Variants in TRAT1 observed in about 807,000 individuals in gnomAD.
TRAT1 encodes the protein T-cell receptor-associated transmembrane adapter 1.
Under a neutral mutation model 20.0 loss-of-function variants are expected in TRAT1, and 20 were observed. The observed-to-expected ratio is 1.00, with a 90% confidence interval of 0.70 to 1.45. The LOEUF (loss-of-function observed/expected upper bound fraction) is 1.45. Ranked by LOEUF, TRAT1 falls within the 40% of genes most tolerant of loss-of-function variation. TRAT1 has a pLI of 0.00. For synonymous variants in TRAT1, 77 were observed against 74.2 expected, an observed-to-expected ratio of 1.04 and a Z score of -0.20; for missense variants, 237 against 224.1, an observed-to-expected ratio of 1.06 and a Z score of -0.37.
At position 108,845,612 on chromosome 3, in the gene TRAT1, T is replaced by C. The variant is rs558811250; in HGVS notation, c.153-1456T>C. Among the ~76,000 whole-genome samples the C allele has an allele frequency of 4.6e-5, 7 of 152,316 alleles. No homozygotes were observed. The East Asian group carries it at 1.2e-3, about 25-fold the overall frequency. On this transcript the variant is annotated intron_variant, in intron 3 of 5. Transcript: ENST00000295756. Reference sequence around the variant, plus strand: ...CATACAGGTATCATTTGAACTGTTATTTTTTTAATACCTACGTACTATTTA... The same window carrying C: ...CATACAGGTATCATTTGAACTGTTACTTTTTTAATACCTACGTACTATTTA...
intron 1 of TRAT1, among the ~76,000 whole-genome samples, chr3:108,829,777 C>T (rs1246876922): frequency 1.3e-5 from 2 of 152,138 alleles, no homozygotes; most frequent in Non-Finnish European, 2.9e-5. Flanking sequence ...AACAAACCTA[C>T]TGTGCTGCCC....
chr3:108,829,013 G>A (rs1037602863), intron 1 of TRAT1, among the ~76,000 whole-genome samples: 1 of 152,162 alleles, frequency 6.6e-6, no homozygotes, highest in Non-Finnish European at 1.5e-5. Context: ...TTCAGCATCT[G>A]ATGAGTGAAT....
intron 5 of TRAT1, among the ~76,000 whole-genome samples, chr3:108,849,518 T>C (rs750905768): frequency 3.9e-4 from 60 of 152,314 alleles, no homozygotes; most frequent in Non-Finnish European, 7.8e-4. Context: ...TTCTTTCTGA[T>C]TGAAAATTTT....
intron 1 of TRAT1, among the ~76,000 whole-genome samples, chr3:108,823,341 G>C (rs1945709722): frequency 6.6e-6 from 1 of 152,150 alleles, no homozygotes; most frequent in Non-Finnish European, 1.5e-5. Flanking sequence ...CAATGCAATT[G>C]TCAACATTCA....
At chr3:108,838,461 AAGCCTATTCAAACCAC>A (rs1945860902) in intron 2 of TRAT1, among the ~76,000 whole-genome samples, 3 of 152,220 alleles carry the variant, frequency 2.0e-5, no homozygotes, top group African/African-American at 4.8e-5. Flanking sequence ...TAACAAAGAA[AAGCCTATTCAAACCAC>A]ATGGGCAAAG....
intron 3 of TRAT1, among the ~76,000 whole-genome samples, chr3:108,841,790 C>T (rs984722552): frequency 2.6e-5 from 4 of 152,100 alleles, no homozygotes; most frequent in Admixed American, 2.0e-4. Flanking sequence ...GCTATTTATT[C>T]TTGGGTCACT....
intron 1 of TRAT1, among the ~76,000 whole-genome samples, chr3:108,824,801 A>G (rs1945721748): frequency 6.6e-6 from 1 of 152,250 alleles, no homozygotes; most frequent in Non-Finnish European, 1.5e-5. Context: ...AAATGAACAT[A>G]GCATTACTAA....
rs755653568 is a variant in TRAT1 at position 108,854,234 on chromosome 3, G to A, written c.*357G>A. The A allele has an allele frequency of 7.5e-5, 13 of 172,582 alleles. No individual in the cohort carries two copies. The highest frequency in any genetic ancestry group is 9.9e-5 in the Non-Finnish European group (8 of 80,654). The allele number at this position is 172,582 out of a possible 1,614,324, so 10.7% of individuals were successfully genotyped here. On this transcript the variant is annotated 3_prime_UTR_variant, in exon 6 of 6. Transcript: ENST00000295756. Reference sequence around the variant, plus strand: ...TACTTAGGGAAATATAAAAATTTAAGCATGAATGTGTTCTGGAACACGTTA... The same window carrying A: ...TACTTAGGGAAATATAAAAATTTAAACATGAATGTGTTCTGGAACACGTTA...
intron 3 of TRAT1, among the ~76,000 whole-genome samples, chr3:108,841,298 A>C (rs1945894959): frequency 6.6e-6 from 1 of 152,214 alleles, no homozygotes. Flanking sequence ...ATTTTTTTCT[A>C]TAAAAAAGCG....
chr3:108,837,240 A>G (rs543767070), intron 2 of TRAT1, among the ~76,000 whole-genome samples: 14 of 152,314 alleles, frequency 9.2e-5, no homozygotes, highest in Non-Finnish European at 1.8e-4. Context: ...TCATGGTAGA[A>G]CATTTCCTCT....
At chr3:108,826,790 C>T (rs973062156) in intron 1 of TRAT1, among the ~76,000 whole-genome samples, 2 of 152,192 alleles carry the variant, frequency 1.3e-5, no homozygotes, top group African/African-American at 4.8e-5. Context: ...AACTCATACA[C>T]TTGTCTCAGT....
Position 108,831,991 on chromosome 3 carries a change from A to T in TRAT1, c.118+1211A>T, listed in dbSNP as rs1158128777. Among the ~76,000 whole-genome samples, 3 of 152,214 alleles carry T rather than the reference A, an allele frequency of 2.0e-5. No individual in the cohort carries two copies. The East Asian group carries it at 5.8e-4, about 29-fold the overall frequency. On this transcript the variant is annotated intron_variant, in intron 2 of 5. Transcript: ENST00000295756. Reference sequence around the variant, plus strand: ...TTAACTTAGACACATGTGTCCAAGAAAAATGTCATAGAGCTAATTTAGAAC... The same window carrying T: ...TTAACTTAGACACATGTGTCCAAGATAAATGTCATAGAGCTAATTTAGAAC...
intron 2 of TRAT1, among the ~76,000 whole-genome samples, chr3:108,831,239 A>G (rs537686978): frequency 1.3e-5 from 2 of 152,322 alleles, no homozygotes; most frequent in Non-Finnish European, 2.9e-5. Context: ...CGACTGGAAA[A>G]GGAAGAGATT....
At chr3:108,847,589 G>A (rs1376264907) in intron 4 of TRAT1, among the ~76,000 whole-genome samples, 1 of 152,162 alleles carries the variant, frequency 6.6e-6, no homozygotes, top group Non-Finnish European at 1.5e-5. Flanking sequence ...TGGCAGGTGG[G>A]AGAAAGAGGA....
chr3:108,840,537 TAA>T (rs5851619), intron 3 of TRAT1, among the ~76,000 whole-genome samples: 18 of 137,108 alleles, frequency 1.3e-4, no homozygotes, highest in African/African-American at 1.4e-4. Context: ...AGGGCAAATG[TAA>T]AAAAAAAAAA....
intron 2 of TRAT1, among the ~76,000 whole-genome samples, chr3:108,836,052 TG>T (rs1429303533): frequency 2.0e-5 from 3 of 151,956 alleles, no homozygotes; most frequent in Admixed American, 6.5e-5. Context: ...CCCGAGTAGC[TG>T]GGACTACAGG....
chr3:108,829,016 G>T (rs918795699), intron 1 of TRAT1, among the ~76,000 whole-genome samples: 26 of 152,152 alleles, frequency 1.7e-4, no homozygotes, highest in African/African-American at 6.3e-4. Flanking sequence ...AGCATCTGAT[G>T]AGTGAATGAT....
intron 5 of TRAT1, among the ~76,000 whole-genome samples, chr3:108,849,862 A>C (rs758086986): frequency 3.3e-5 from 5 of 152,230 alleles, no homozygotes; most frequent in Non-Finnish European, 7.3e-5. Context: ...CAATCTGTTC[A>C]ACCTCTTCAG....
rs111971508 is a variant in TRAT1 at position 108,852,352 on chromosome 3, G to T, written c.304-1268G>T. On this transcript the variant is annotated intron_variant, in intron 5 of 5. Transcript: ENST00000295756. Reference sequence around the variant, plus strand: ...GCTGAGATCGCACCACTGCACTCCAGCCTGGGTGACAAGAGCGAAAGTCCA... The same window carrying T: ...GCTGAGATCGCACCACTGCACTCCATCCTGGGTGACAAGAGCGAAAGTCCA... Among the ~76,000 whole-genome samples, 604 of 151,950 alleles carry T rather than the reference G, an allele frequency of 4.0e-3. 4 individuals are homozygous for T. The highest frequency in any genetic ancestry group is 0.017 in the Middle Eastern group (5 of 294).
Sources: gnomAD v4.1 joint callset for allele counts (sites outside exome capture counted in the v4.1 genomes callset) on GRCh38, gnomAD v4.1.1 for gene constraint, MANE v1.5 for transcripts, NCBI Gene and HGNC (gene_info 2026-07-23, HGNC 2026-07-21) for gene names.